Variants in MAMLD1 observed in about 807,000 individuals in gnomAD.
MAMLD1 encodes the protein mastermind like domain containing 1, also known as mastermind-like domain-containing protein 1.
A neutral mutation model predicts 45.0 loss-of-function variants in MAMLD1; 14 were observed. The observed-to-expected ratio is 0.31, with a 90% confidence interval of 0.21 to 0.49. The LOEUF (loss-of-function observed/expected upper bound fraction) is 0.49, where lower values mean the gene tolerates loss of function less well. Ranked by LOEUF, MAMLD1 falls within the 20% of genes least tolerant of loss-of-function variation. MAMLD1 has a pLI of 0.99. For synonymous variants in MAMLD1, 254 were observed against 247.8 expected, an observed-to-expected ratio of 1.02 and a Z score of -0.24; for missense variants, 543 against 603.6, an observed-to-expected ratio of 0.90 and a Z score of 1.05.
At chrX:150,375,127 GTCT>G (rs1275273740) in intron 1 of MAMLD1, among the ~76,000 whole-genome samples, 1 of 111,123 alleles carries the variant, frequency 9.0e-6, no homozygotes, top group Non-Finnish European at 1.9e-5. Flanking sequence ...AGTGTGGAAA[GTCT>G]TCTCATGGCA....
intron 5 of MAMLD1, among the ~76,000 whole-genome samples, chrX:150,494,862 T>C (rs1485758606): frequency 7.0e-4 from 75 of 106,538 alleles, no homozygotes; most frequent in African/African-American, 2.4e-3. Flanking sequence ...CCAGCCTGGG[T>C]GACCAGAGTG....
intron 1 of MAMLD1, among the ~76,000 whole-genome samples, chrX:150,422,980 T>A (rs2034570251): frequency 1.8e-5 from 2 of 111,423 alleles, no homozygotes; most frequent in South Asian, 7.6e-4. Flanking sequence ...GTAAAGAGGA[T>A]CAGCCCCATT....
At chrX:150,416,627 G>A (rs1314273319) in intron 1 of MAMLD1, among the ~76,000 whole-genome samples, 3 of 112,136 alleles carry the variant, frequency 2.7e-5, no homozygotes, top group Non-Finnish European at 5.6e-5. Flanking sequence ...TCCGAAATGC[G>A]CAGCAATTTT....
intron 2 of MAMLD1, among the ~76,000 whole-genome samples, chrX:150,457,968 G>A (rs782607923): frequency 5.4e-5 from 6 of 111,468 alleles, no homozygotes; most frequent in Middle Eastern, 4.6e-3. Context: ...AAAAAGAGAG[G>A]ACCTAGACCA....
chrX:150,394,771 A>T (rs948594817), intron 1 of MAMLD1, among the ~76,000 whole-genome samples: 21 of 110,607 alleles, frequency 1.9e-4, no homozygotes, highest in African/African-American at 6.2e-4. Context: ...AATGTGATTG[A>T]CCTTGTGTCC....
chrX:150,404,137 C>T (rs1187168270), intron 1 of MAMLD1, among the ~76,000 whole-genome samples: 1 of 109,930 alleles, frequency 9.1e-6, no homozygotes, highest in Non-Finnish European at 1.9e-5. Context: ...AGGCAGCCCA[C>T]ATGGCAAAAC....
chrX:150,494,021 G>A (rs1411909510), intron 5 of MAMLD1, among the ~76,000 whole-genome samples: 1 of 111,495 alleles, frequency 9.0e-6, no homozygotes, highest in African/African-American at 3.3e-5. Context: ...ATCAAGTTGT[G>A]TATATACCTT....
rs190057135 is a variant in MAMLD1, at chrX:150,424,952, T to G, written c.-63-20502T>G. Among the ~76,000 whole-genome samples the G allele has an allele frequency of 1.8e-3, 203 of 112,278 alleles. 1 individual carries two copies. The highest frequency in any genetic ancestry group is 6.4e-3 in the African/African-American group (197 of 30,944). On this transcript the variant is annotated intron_variant, in intron 1 of 7. Coordinates refer to ENST00000370401, the MANE Select transcript of MAMLD1 (RefSeq NM_005491.5). ...TAAGCTACTTTCAGCCTCTATGGAC[T>G]TGCCTATTCTGGATATTTCGCATAA... is the stretch of plus-strand genomic sequence containing the variant.
chrX:150,430,889 C>G (rs2034916596), intron 1 of MAMLD1, among the ~76,000 whole-genome samples: 1 of 112,137 alleles, frequency 8.9e-6, no homozygotes, highest in African/African-American at 3.2e-5. Context: ...AAATCAGGTA[C>G]ACTGGTTATT....
chrX:150,447,164 G>T (rs189658476), intron 2 of MAMLD1, among the ~76,000 whole-genome samples: 269 of 112,466 alleles, frequency 2.4e-3, no homozygotes, highest in African/African-American at 8.0e-3. Context: ...TCCAGGCTTG[G>T]CTTCTCTTTG....
At chrX:150,396,405 T>C (rs1451552311) in intron 1 of MAMLD1, among the ~76,000 whole-genome samples, 1 of 111,055 alleles carries the variant, frequency 9.0e-6, no homozygotes, top group African/African-American at 3.3e-5. Context: ...TTCTTCAAAA[T>C]ATATTTTCAA....
intron 5 of MAMLD1, among the ~76,000 whole-genome samples, chrX:150,486,202 A>G (rs1401064299): frequency 1.8e-5 from 2 of 111,792 alleles, no homozygotes; most frequent in Non-Finnish European, 3.8e-5. Flanking sequence ...GCCTCATCCT[A>G]AGGCTGGCTC....
chrX:150,500,984 C>T (rs180678805), intron 5 of MAMLD1, among the ~76,000 whole-genome samples: 1,482 of 111,795 alleles, frequency 0.013, 12 homozygotes, highest in South Asian at 0.021. Context: ...TGGCTCCAGG[C>T]CCCCTCTTGA....
intron 1 of MAMLD1, among the ~76,000 whole-genome samples, chrX:150,413,583 C>T (rs1412660224): frequency 6.4e-5 from 7 of 109,470 alleles, no homozygotes; most frequent in South Asian, 4.1e-4. Context: ...GGAGAGGTAG[C>T]AGCTTCTTCA....
At chrX:150,388,830 CTT>C (rs781913693) in intron 1 of MAMLD1, among the ~76,000 whole-genome samples, 1 of 111,642 alleles carries the variant, frequency 9.0e-6, no homozygotes, top group South Asian at 3.7e-4. Flanking sequence ...TTTATCTTAT[CTT>C]TATTATTTCT....
intron 1 of MAMLD1, among the ~76,000 whole-genome samples, chrX:150,426,906 A>G (rs1429282789): frequency 8.9e-6 from 1 of 112,229 alleles, no homozygotes; most frequent in African/African-American, 3.2e-5. Flanking sequence ...ATAACAAAAT[A>G]TTAAAACTAG....
Position 150,512,582 on chromosome X carries a change from CT to C in MAMLD1, c.*624del, listed in dbSNP as rs1419072419. Reference sequence around the variant, plus strand: ...CGCTGCGATGGGAACACAAGTGCCCCTGGCCAACAACCCCAGCTTCAGCCTG... The same window carrying C: ...CGCTGCGATGGGAACACAAGTGCCCCGGCCAACAACCCCAGCTTCAGCCTG... On this transcript the variant is annotated 3_prime_UTR_variant, in exon 8 of 8. Transcript: ENST00000370401. The C allele has an allele frequency of 3.5e-6, 4 of 1,152,710 alleles. No individual in the cohort carries two copies. The Admixed American group carries it at 1.0e-4, about 30-fold the overall frequency. The allele number at this position is 1,152,710 out of a possible 1,213,427, so 95.0% of individuals were successfully genotyped here. A position where few individuals can be genotyped will look rare whatever the true frequency, so the allele number is the denominator to read the frequency against.
chrX:150,505,231 G>T lies in MAMLD1; in HGVS notation c.2284+1714G>T, dbSNP rs192423683. The T allele has an allele frequency of 1.0e-4, 19 of 188,693 alleles. No individual in the cohort carries two copies. In the East Asian group the frequency reaches 3.3e-3, roughly 33 times the overall value. 15.6% of individuals were successfully genotyped at this position (188,693 alleles called of 1,213,427 possible). On this transcript the variant is annotated intron_variant, in intron 6 of 7. Coordinates refer to ENST00000370401, the MANE Select transcript of MAMLD1 (RefSeq NM_005491.5). ...TACCATGGGTGAGGTCTCTAGAAGGGCAAGGAAAGACCCCTAACATAGAAA... is the reference window on the plus strand; with the variant it reads ...TACCATGGGTGAGGTCTCTAGAAGGTCAAGGAAAGACCCCTAACATAGAAA...
intron 2 of MAMLD1, among the ~76,000 whole-genome samples, chrX:150,460,712 G>A (rs1026772579): frequency 6.2e-5 from 7 of 112,024 alleles, no homozygotes; most frequent in East Asian, 2.8e-4. Context: ...CATATAGTAC[G>A]TGACTTCCAC....
Sources: gnomAD v4.1 joint callset for allele counts (sites outside exome capture counted in the v4.1 genomes callset) on GRCh38, gnomAD v4.1.1 for gene constraint, MANE v1.5 for transcripts, NCBI Gene and HGNC (gene_info 2026-07-23, HGNC 2026-07-21) for gene names.